Variants in IL24 observed in about 807,000 individuals in gnomAD.
The protein encoded by IL24 is interleukin-24.
A neutral mutation model predicts 27.6 loss-of-function variants in IL24; 24 were observed. The ratio of observed to expected loss-of-function variants is 0.87; its 90% confidence interval spans 0.63 to 1.22. The LOEUF is 1.22. IL24 is among the 50% of genes most tolerant of loss of function. The probability of loss-of-function intolerance (pLI) is 0.00; values close to 1 mark genes in which losing one functional copy is unlikely to be tolerated. For missense variants in IL24, 240 were observed against 237.0 expected (o/e 1.01, Z -0.08); for synonymous variants, 99 against 93.1 (o/e 1.06, Z -0.36).
At position 206,901,658 on chromosome 1, in the gene IL24, T is replaced by C; in HGVS notation, c.462+6T>C. 2.5e-6 allele frequency: 4 copies of C among 1,609,926 alleles called. No individual in the cohort carries two copies. Among genetic ancestry groups the C allele is most frequent in the African/African-American group, 1.3e-5 (1 of 74,994 alleles). ...TGTCACAACTGCAACCCAGTGTGAG[T>C]AGCACACGCTCTGGATACTGGCAGC... On this transcript the variant is annotated splice_donor_region_variant and intron_variant, in intron 5 of 6. Transcript: ENST00000294984.
intron 2 of IL24, 89 bp downstream of exon 2, chr1:206,897,965 C>A: frequency 2.8e-6 from 2 of 723,932 alleles, no homozygotes; most frequent in African/African-American, 1.8e-5. Context: ...CCAGCCTGGC[C>A]AACATGGTGA....
In IL24 at chr1:206,899,525, G is replaced by A. The variant is rs748342770; in HGVS notation, c.240+10G>A. 2 of 1,578,608 alleles carry A rather than the reference G, an allele frequency of 1.3e-6. No homozygotes were observed. Among genetic ancestry groups the A allele is most frequent in the South Asian group, 1.2e-5 (1 of 84,388 alleles). On this transcript the variant is annotated intron_variant, in intron 3 of 6. Transcript: ENST00000294984. ...TGTGAAAGACACTATGGTGAGTAAA[G>A]TGCTGTTCTGGACCCAGTCGTGGGG... is the stretch of plus-strand genomic sequence containing the variant.
intron 4 of IL24, 109 bp from the exon 5 acceptor site, chr1:206,901,385 T>C: frequency 8.1e-7 from 1 of 1,227,294 alleles, no homozygotes; most frequent in South Asian, 1.6e-5. Context: ...TTCTAGAAGA[T>C]CCCTATCTCT....
chr1:206,898,578 G>A (rs1245170065), intron 2 of IL24, among the ~76,000 whole-genome samples: 3 of 152,128 alleles, frequency 2.0e-5, no homozygotes, highest in Non-Finnish European at 4.4e-5. Flanking sequence ...ATACATAATG[G>A]CGTTAGGTTC....
At chr1:206,902,358 A>C (rs1356480283) in intron 6 of IL24, 1 of 985,274 alleles carries the variant, frequency 1.0e-6, no homozygotes, top group Non-Finnish European at 1.2e-6. Flanking sequence ...GGGCTGGGCA[A>C]CTGAAGTCAG....
chr1:206,903,164 C>A lies in IL24; in HGVS notation c.*105C>A. Reference sequence around the variant, plus strand: ...TTCACTGGACACTTCACGCCCTTGGCCATGGGTCCCATTCTTGGCCCAGGA... The same window carrying A: ...TTCACTGGACACTTCACGCCCTTGGACATGGGTCCCATTCTTGGCCCAGGA... On this transcript the variant is annotated 3_prime_UTR_variant, in exon 7 of 7. Coordinates refer to ENST00000294984, the MANE Select transcript of IL24 (RefSeq NM_006850.3). 1.1e-6 allele frequency: 1 copy of A among 923,406 alleles called. No homozygotes were observed. The highest frequency in any genetic ancestry group is 1.8e-6 in the Non-Finnish European group (1 of 565,778). The allele number at this position is 923,406 out of a possible 1,614,324, so 57.2% of individuals were successfully genotyped here.
chr1:206,900,958 C>T (rs1388687983), intron 4 of IL24, among the ~76,000 whole-genome samples: 1 of 152,156 alleles, frequency 6.6e-6, no homozygotes, highest in Non-Finnish European at 1.5e-5. Flanking sequence ...ACCATCTTCT[C>T]ATCATCCATC....
chr1:206,902,747 C>T, intron 6 of IL24: 1 of 985,382 alleles, frequency 1.0e-6, no homozygotes, highest in Non-Finnish European at 1.2e-6. Context: ...ATGTCTTTCC[C>T]TTGTTCTTTG....
chr1:206,901,145 G>A (rs1442835079), intron 4 of IL24, among the ~76,000 whole-genome samples: 1 of 152,112 alleles, frequency 6.6e-6, no homozygotes, highest in African/African-American at 2.4e-5. Flanking sequence ...CCCTTTTCAG[G>A]GTCCATCACA....
chr1:206,901,908 G>C (rs1428459450), intron 5 of IL24, 90 bp from the exon 6 acceptor site: 24 of 1,326,206 alleles, frequency 1.8e-5, no homozygotes, highest in Non-Finnish European at 2.5e-5. Flanking sequence ...GGCTTTGGGA[G>C]ACCCTGTGGC....
Position 206,901,664 on chromosome 1 carries a change from A to G in IL24, c.462+12A>G. On this transcript the variant is annotated intron_variant, in intron 5 of 6. Coordinates refer to ENST00000294984, the MANE Select transcript of IL24 (RefSeq NM_006850.3). ...AACTGCAACCCAGTGTGAGTAGCAC[A>G]CGCTCTGGATACTGGCAGCTCTGGG... is the stretch of plus-strand genomic sequence containing the variant. 1.2e-6 allele frequency: 2 copies of G among 1,610,208 alleles called. No homozygotes were observed. Among genetic ancestry groups the G allele is most frequent in the Non-Finnish European group, 8.5e-7 (1 of 1,177,090 alleles).
rs1438890743 is a variant in IL24 at position 206,901,651 on chromosome 1, G to C, written c.461G>C (p.Ser154Thr). The C allele has an allele frequency of 6.2e-7, 1 of 1,612,732 alleles. No individual in the cohort carries two copies. Among genetic ancestry groups the C allele is most frequent in the Non-Finnish European group, 8.5e-7 (1 of 1,178,964 alleles). Residue 154 changes from serine to threonine, a missense_variant and splice_region_variant, in exon 5 of 7, where the codon AGT becomes ACT. Ser to Thr is a moderately conservative substitution (Grantham distance 58, BLOSUM62 1). Transcript: ENST00000294984. ...FVLIVSQLQP[S>T]QENEMFSIRD... Reference sequence around the variant, plus strand: ...CTCATCGTGTCACAACTGCAACCCAGTGTGAGTAGCACACGCTCTGGATAC... The same window carrying C: ...CTCATCGTGTCACAACTGCAACCCACTGTGAGTAGCACACGCTCTGGATAC...
chr1:206,899,116 G>C (rs1032937738), intron 2 of IL24, among the ~76,000 whole-genome samples: 1 of 152,204 alleles, frequency 6.6e-6, no homozygotes, highest in Non-Finnish European at 1.5e-5. Flanking sequence ...ATGGCAAGAC[G>C]AGCGGCCTTA....
intron 4 of IL24, 27 bp from the exon 5 acceptor site, chr1:206,901,467 C>A: frequency 2.5e-6 from 4 of 1,597,354 alleles, no homozygotes; most frequent in Non-Finnish European, 3.4e-6. Flanking sequence ...GAGGCCTTGG[C>A]TCAGCAGTGA....
At chr1:206,899,238 A>C (rs1678280700) in intron 2 of IL24, 82 bp from the exon 3 acceptor site, 4 of 1,413,242 alleles carry the variant, frequency 2.8e-6, no homozygotes, top group Non-Finnish European at 2.9e-6. Flanking sequence ...TGGCCCGGGG[A>C]GACCCTCGGA....
rs1678482853 is a variant in IL24, at chr1:206,903,490, T to C, written c.*431T>C. 1 of 162,254 alleles carries C rather than the reference T, an allele frequency of 6.2e-6. No individual in the cohort carries two copies. Among genetic ancestry groups the C allele is most frequent in the East Asian group, 1.7e-4 (1 of 5,852 alleles). The allele number at this position is 162,254 out of a possible 1,614,324, so 10.1% of individuals were successfully genotyped here. On this transcript the variant is annotated 3_prime_UTR_variant, in exon 7 of 7. Transcript: ENST00000294984. ...CTTTTTTTGGCCTGTCTTTGGATTG[T>C]TAAAAAACAGAGAGGGATGCTTGGA... is the stretch of plus-strand genomic sequence containing the variant.
Position 206,903,204 on chromosome 1 carries a change from G to C in IL24, c.*145G>C, listed in dbSNP as rs1678469086. 5.7e-6 allele frequency: 4 copies of C among 700,096 alleles called. No individual in the cohort carries two copies. In the South Asian group the frequency reaches 7.2e-5, roughly 13 times the overall value. 43.4% of individuals were successfully genotyped at this position (700,096 alleles called of 1,614,324 possible). A position where few individuals can be genotyped will look rare whatever the true frequency, so the allele number is the denominator to read the frequency against. ...TTGGCCCAGGATTATTGTCAAAGAA[G>C]TCATTCTTTAAGCAGCGCCAGTGAC... On this transcript the variant is annotated 3_prime_UTR_variant, in exon 7 of 7. Coordinates refer to ENST00000294984, the MANE Select transcript of IL24 (RefSeq NM_006850.3).
At chr1:206,902,411 C>T in intron 6 of IL24, 1 of 481,500 alleles carries the variant, frequency 2.1e-6, no homozygotes, top group Non-Finnish European at 2.6e-6. Context: ...CCCACCCCCA[C>T]CCCATACACA....
At chr1:206,901,363 T>C in intron 4 of IL24, 131 bp from the exon 5 acceptor site, 1 of 1,043,286 alleles carries the variant, frequency 9.6e-7, no homozygotes, top group East Asian at 2.7e-5. Context: ...AGATCTAAGG[T>C]TCATCATCAC....
Sources: gnomAD v4.1 joint callset for allele counts (sites outside exome capture counted in the v4.1 genomes callset) on GRCh38, gnomAD v4.1.1 for gene constraint, MANE v1.5 for transcripts, NCBI Gene and HGNC (gene_info 2026-07-23, HGNC 2026-07-21) for gene names.